MTHFD1: variants seen among roughly 807,000 people sequenced by gnomAD.
MTHFD1 encodes the protein C-1-tetrahydrofolate synthase, cytoplasmic.
Under a neutral mutation model 110.3 loss-of-function variants are expected in MTHFD1, and 44 were observed. That is an observed-to-expected ratio of 0.40 (90% CI 0.31 to 0.51). The LOEUF is 0.51. MTHFD1 is among the 20% of genes least tolerant of loss of function. The pLI, the probability that MTHFD1 is intolerant of heterozygous loss-of-function variation, is 0.60. For synonymous variants in MTHFD1, 402 were observed against 428.8 expected (o/e 0.94, Z 0.77); for missense variants, 909 against 1,173.1 (o/e 0.77, Z 3.29).
chr14:64,424,808 T>C lies in MTHFD1; in HGVS notation c.732T>C (p.Asp244=). The C allele has an allele frequency of 1.2e-6, 2 of 1,613,940 alleles. No individual in the cohort carries two copies. Among genetic ancestry groups the C allele is most frequent in the Non-Finnish European group, 1.7e-6 (2 of 1,180,006 alleles). ...ATTTCTCCCCCACTTGACCAGATGA[T>C]AAAAAACCAAATGGGAGAAAAGTTG... is the stretch of plus-strand genomic sequence containing the variant. ...IDCGINYVPD[D]KKPNGRKVVG... is the part of the protein sequence containing the mutation. Residue 244 remains aspartate (D), a synonymous_variant, in exon 9 of 28, where the codon GAT becomes GAC. Transcript: ENST00000652337.
intron 2 of MTHFD1, among the ~76,000 whole-genome samples, chr14:64,407,326 G>T (rs1346447065): frequency 6.6e-6 from 1 of 152,020 alleles, no homozygotes; most frequent in Non-Finnish European, 1.5e-5. Context: ...TTAGCTGGTT[G>T]TGGTGGTGCT....
intron 11 of MTHFD1, among the ~76,000 whole-genome samples, chr14:64,426,756 A>C (rs747072710): frequency 8.5e-5 from 13 of 152,190 alleles, no homozygotes; most frequent in Non-Finnish European, 1.9e-4. Flanking sequence ...GGCGTGAGCC[A>C]CCACACCCGG....
At chr14:64,404,639 T>C (rs577752336) in intron 2 of MTHFD1, among the ~76,000 whole-genome samples, 1 of 152,284 alleles carries the variant, frequency 6.6e-6, no homozygotes, top group Admixed American at 6.5e-5. Flanking sequence ...AATAGATCAT[T>C]TAATCCCTTG....
intron 21 of MTHFD1, among the ~76,000 whole-genome samples, chr14:64,442,769 C>T (rs974248508): frequency 1.3e-5 from 2 of 152,148 alleles, no homozygotes; most frequent in African/African-American, 2.4e-5. Flanking sequence ...GCCAACCAAA[C>T]CAGTTAGCTG....
intron 4 of MTHFD1, 73 bp downstream of exon 4, chr14:64,412,598 T>A: frequency 8.7e-7 from 1 of 1,152,886 alleles, no homozygotes; most frequent in Non-Finnish European, 1.3e-6. Flanking sequence ...TTACGGGGGC[T>A]TTGGGGACTG....
intron 2 of MTHFD1, among the ~76,000 whole-genome samples, chr14:64,406,331 T>C (rs1037249812): frequency 3.3e-5 from 5 of 151,830 alleles, no homozygotes; most frequent in African/African-American, 1.2e-4. Flanking sequence ...GAGCCACTGC[T>C]CCCGGCCAAT....
intron 13 of MTHFD1, 90 bp downstream of exon 13, chr14:64,430,320 CG>C: frequency 4.1e-6 from 5 of 1,221,794 alleles, no homozygotes; most frequent in Non-Finnish European, 4.8e-6. Flanking sequence ...TTCCCCATGA[CG>C]GAGTCTTGCT....
At chr14:64,439,666 C>T (rs562242698) in intron 17 of MTHFD1, among the ~76,000 whole-genome samples, 1 of 151,204 alleles carries the variant, frequency 6.6e-6, no homozygotes, top group African/African-American at 2.4e-5. Flanking sequence ...TTTGGGAGGC[C>T]GAGGCGGGCG....
At chr14:64,440,419 A>G (rs974812653) in intron 18 of MTHFD1, 153 bp downstream of exon 18, 2 of 953,082 alleles carry the variant, frequency 2.1e-6, no homozygotes, top group Non-Finnish European at 3.3e-6. Context: ...CAAGATAATT[A>G]TGAAATGTTT....
rs754415147 is a variant in MTHFD1, at chr14:64,415,471, T to G, written c.354T>G (p.Ile118Met). The change falls in exon 5 of 28, where the codon ATT (isoleucine) becomes ATG (methionine). Residue 118 changes from isoleucine (I) to methionine (M), a missense_variant. This residue lies in a region of MTHFD1 where 424 missense variants were observed against 510.4 expected (regional missense o/e 0.83). Coordinates refer to ENST00000652337, the MANE Select transcript of MTHFD1 (RefSeq NM_005956.4). ...ACACTGAAGAAGTGATCAATGCTATTGCACCCGAGAAGGATGTGGATGGGT... is the reference window on the plus strand; with the variant it reads ...ACACTGAAGAAGTGATCAATGCTATGGCACCCGAGAAGGATGTGGATGGGT... ...SINTEEVINA[I>M]APEKDVDGLT... is the part of the protein sequence containing the mutation. The G allele has an allele frequency of 6.8e-6, 11 of 1,614,214 alleles. No individual in the cohort carries two copies. Among genetic ancestry groups the G allele is most frequent in the East Asian group, 4.5e-5 (2 of 44,878 alleles).
In MTHFD1 at chr14:64,417,988, C is replaced by T; in HGVS notation, c.579C>T (p.Thr193=). The T allele has an allele frequency of 1.9e-6, 3 of 1,614,062 alleles. No individual in the cohort carries two copies. Among genetic ancestry groups the T allele is most frequent in the Non-Finnish European group, 2.5e-6 (3 of 1,180,020 alleles). ...TTCTGTGGAACAATGCCACAGTGACCACCTGCCACTCCAAGACTGCCCATC... is the reference window on the plus strand; with the variant it reads ...TTCTGTGGAACAATGCCACAGTGACTACCTGCCACTCCAAGACTGCCCATC... ...DLLLWNNATV[T]TCHSKTAHLD... The change falls in exon 7 of 28, where the codon ACC becomes ACT. Residue 193 remains threonine (T), a synonymous_variant. Coordinates refer to ENST00000652337, the MANE Select transcript of MTHFD1 (RefSeq NM_005956.4). The surrounding 1 kb of genome is among the most constrained non-coding windows in gnomAD (Gnocchi z 4.4).
intron 2 of MTHFD1, among the ~76,000 whole-genome samples, chr14:64,406,599 C>T (rs2077938046): frequency 6.8e-6 from 1 of 147,406 alleles, no homozygotes; most frequent in Non-Finnish European, 1.5e-5. Flanking sequence ...CTCAAGCTAT[C>T]CTCCCATCTC....
At chr14:64,392,868 T>G (rs2140940197) in intron 1 of MTHFD1, among the ~76,000 whole-genome samples, 1 of 152,356 alleles carries the variant, frequency 6.6e-6, no homozygotes, top group South Asian at 2.1e-4. Context: ...ATCCAGGCTG[T>G]ACCTTTGGGA....
rs1391668832 is a variant in MTHFD1, at chr14:64,430,213, G to T, written c.1294G>T (p.Val432Phe). The change falls in exon 13 of 28, where the codon GTC becomes TTC. Residue 432 changes from valine to phenylalanine, a missense_variant. Transcript: ENST00000652337. ...CGCTGCAGGAGGCGGCTACTCCCAG[G>T]TCATTCCTATGGAAGAGGTAAAGTA... ...GGAAGGGYSQ[V>F]IPMEEFNLHL... 1 of 1,613,548 alleles carries T rather than the reference G, an allele frequency of 6.2e-7. No individual in the cohort carries two copies. The highest frequency in any genetic ancestry group is 8.5e-7 in the Non-Finnish European group (1 of 1,180,020).
chr14:64,453,241 C>T (rs1392535315), intron 24 of MTHFD1, among the ~76,000 whole-genome samples: 2 of 152,002 alleles, frequency 1.3e-5, no homozygotes, highest in African/African-American at 4.8e-5. Context: ...CTCTGTGGGA[C>T]ATTTTCACTT....
chr14:64,423,974 G>A (rs1446803924), intron 8 of MTHFD1, among the ~76,000 whole-genome samples: 2 of 152,220 alleles, frequency 1.3e-5, no homozygotes, highest in African/African-American at 4.8e-5. Flanking sequence ...TGATCCGCCC[G>A]CCTCGGCCTC....
Position 64,426,026 on chromosome 14 carries a change from G to A in MTHFD1, c.961G>A (p.Asp321Asn). ...TTTTCTATGTTTCCAAAGTGACATT[G>A]ATATATCACGATCTTGTAAACCGAA... is the stretch of plus-strand genomic sequence containing the variant. ...NLKTPVPSDIDISRSCKPKPI... is the reference protein window; with the variant it reads ...NLKTPVPSDINISRSCKPKPI... The change falls in exon 11 of 28, where the codon GAT becomes AAT. Residue 321 changes from aspartate (D) to asparagine (N), a missense_variant. Physicochemically the swap from Asp to Asn is conservative, Grantham distance 23 (BLOSUM62 1). This residue lies in a region of MTHFD1 where 424 missense variants were observed against 510.4 expected (regional missense o/e 0.83). Transcript: ENST00000652337. The A allele has an allele frequency of 6.2e-7, 1 of 1,613,454 alleles. No individual in the cohort carries two copies.
intron 2 of MTHFD1, among the ~76,000 whole-genome samples, chr14:64,406,501 T>G (rs1236195536): frequency 6.7e-6 from 1 of 148,950 alleles, no homozygotes; most frequent in Non-Finnish European, 1.5e-5. Flanking sequence ...TTTTTTTTTT[T>G]TTTTTTTTTG....
At chr14:64,393,438 A>G (rs1033537084) in intron 1 of MTHFD1, among the ~76,000 whole-genome samples, 12 of 152,194 alleles carry the variant, frequency 7.9e-5, no homozygotes, top group African/African-American at 2.7e-4. Flanking sequence ...TTTGCCTGTA[A>G]TGAACTCCAA....
Sources: allele counts gnomAD v4.1 joint callset (sites outside exome capture counted in the v4.1 genomes callset), GRCh38; gene constraint gnomAD v4.1.1; regional missense constraint gnomAD v4.1.1; non-coding constraint Gnocchi (gnomAD v3.1); transcripts MANE v1.5; gene names NCBI Gene and HGNC (gene_info 2026-07-23, HGNC 2026-07-21).